The following GPC5 variants were observed in gnomAD, a reference collection of about 807,000 sequenced individuals.
GPC5 encodes glypican 5, also known as glypican-5.
In GPC5, 47 loss-of-function variants were observed where a neutral mutation model predicts 53.9. The observed-to-expected ratio is 0.87, with a 90% confidence interval of 0.69 to 1.11. The LOEUF is 1.11. Among genes scored for constraint, GPC5 ranks in the 50% most tolerant of loss-of-function variants. The pLI is 0.00. For missense variants in GPC5, 748 were observed against 713.1 expected (o/e 1.05, Z -0.56); for synonymous variants, 286 against 263.3 (o/e 1.09, Z -0.84).
At chr13:92,343,330 T>A (rs1411151432) in intron 7 of GPC5, among the ~76,000 whole-genome samples, 2 of 152,190 alleles carry the variant, frequency 1.3e-5, no homozygotes, top group East Asian at 3.9e-4. Context: ...CAAGTGAGAT[T>A]CAATTGCCCT....
At chr13:92,598,770 A>T (rs1883954568) in intron 7 of GPC5, among the ~76,000 whole-genome samples, 1 of 152,140 alleles carries the variant, frequency 6.6e-6, no homozygotes, top group African/African-American at 2.4e-5. Flanking sequence ...TAATCTCAGC[A>T]CTTTGGGAGG....
chr13:92,301,577 T>G (rs1361267772), intron 7 of GPC5, among the ~76,000 whole-genome samples: 1 of 152,064 alleles, frequency 6.6e-6, no homozygotes, highest in Non-Finnish European at 1.5e-5. Context: ...TGGGTTGTTG[T>G]AAAAATCACT....
intron 6 of GPC5, among the ~76,000 whole-genome samples, chr13:92,051,199 C>CTTTTTT (rs72346282): frequency 4.1e-5 from 3 of 73,908 alleles, no homozygotes; most frequent in African/African-American, 8.6e-5. Flanking sequence ...TCATTTTTTT[C>CTTTTTT]TTTTTTTTTT....
At chr13:91,977,870 G>A (rs2040318613) in intron 6 of GPC5, among the ~76,000 whole-genome samples, 1 of 151,658 alleles carries the variant, frequency 6.6e-6, no homozygotes, top group Non-Finnish European at 1.5e-5. Flanking sequence ...TCGGCACTTT[G>A]GGAGGTGGAG....
intron 7 of GPC5, among the ~76,000 whole-genome samples, chr13:92,363,966 A>G (rs529892416): frequency 5.9e-5 from 9 of 151,904 alleles, no homozygotes; most frequent in African/African-American, 2.2e-4. Context: ...CATGTTTGAG[A>G]GAGTAGAGGA....
intron 7 of GPC5, among the ~76,000 whole-genome samples, chr13:92,579,621 G>T (rs1285808126): frequency 2.0e-5 from 3 of 152,014 alleles, no homozygotes; most frequent in Non-Finnish European, 2.9e-5. Flanking sequence ...TGAACTGAGA[G>T]AATCTTATCT....
At chr13:92,154,332 C>G (rs1319146794) in intron 7 of GPC5, among the ~76,000 whole-genome samples, 1 of 152,150 alleles carries the variant, frequency 6.6e-6, no homozygotes, top group African/African-American at 2.4e-5. Flanking sequence ...TTCCAACCTC[C>G]AAACTATGTC....
chr13:92,460,913 T>C (rs1360753648), intron 7 of GPC5, among the ~76,000 whole-genome samples: 1 of 152,052 alleles, frequency 6.6e-6, no homozygotes, highest in East Asian at 1.9e-4. Context: ...CAGTAGGAGG[T>C]ATGAGTTGTA....
chr13:91,670,739 G>A (rs1412566069), intron 2 of GPC5, among the ~76,000 whole-genome samples: 1 of 152,110 alleles, frequency 6.6e-6, no homozygotes, highest in East Asian at 1.9e-4. Context: ...GTTTAACAGA[G>A]GAATGTGAAA....
chr13:92,720,738 A>C (rs1888486049), intron 7 of GPC5, among the ~76,000 whole-genome samples: 1 of 152,128 alleles, frequency 6.6e-6, no homozygotes, highest in African/African-American at 2.4e-5. Context: ...ACATAGGGAA[A>C]ATTTTGAAAT....
chr13:92,692,266 C>T (rs925858049), intron 7 of GPC5, among the ~76,000 whole-genome samples: 1 of 152,014 alleles, frequency 6.6e-6, no homozygotes, highest in Non-Finnish European at 1.5e-5. Flanking sequence ...TTTCTTGATC[C>T]AGTTCACCGA....
At chr13:92,317,314 G>C (rs1319489823) in intron 7 of GPC5, among the ~76,000 whole-genome samples, 4 of 152,074 alleles carry the variant, frequency 2.6e-5, no homozygotes, top group Admixed American at 2.6e-4. Flanking sequence ...AATGCTTTGC[G>C]GGGAAGGGTG....
At chr13:92,516,319 C>A (rs751292477) in intron 7 of GPC5, among the ~76,000 whole-genome samples, 1 of 151,998 alleles carries the variant, frequency 6.6e-6, no homozygotes, top group South Asian at 2.1e-4. Flanking sequence ...ATAAAATACA[C>A]GAGTCCATAT....
At chr13:92,171,787 T>A (rs973531071) in intron 7 of GPC5, among the ~76,000 whole-genome samples, 1 of 152,214 alleles carries the variant, frequency 6.6e-6, no homozygotes, top group Non-Finnish European at 1.5e-5. Context: ...CTAACCCAAA[T>A]GTTTCTTCTG....
chr13:91,453,806 T>C (rs1219851881), intron 2 of GPC5, among the ~76,000 whole-genome samples: 1 of 152,068 alleles, frequency 6.6e-6, no homozygotes, highest in Non-Finnish European at 1.5e-5. Flanking sequence ...CTTCTTCCTT[T>C]CTTTTATTCC....
intron 7 of GPC5, among the ~76,000 whole-genome samples, chr13:92,194,582 C>T (rs987129125): frequency 1.3e-5 from 2 of 152,226 alleles, no homozygotes; most frequent in African/African-American, 4.8e-5. Flanking sequence ...ATAGTATCCT[C>T]ATTCAGAAAT....
At chr13:92,528,677 G>A (rs924070663) in intron 7 of GPC5, among the ~76,000 whole-genome samples, 1 of 151,880 alleles carries the variant, frequency 6.6e-6, no homozygotes, top group African/African-American at 2.4e-5. Context: ...AGGAACTTTT[G>A]GACTGTAACA....
intron 1 of GPC5, among the ~76,000 whole-genome samples, chr13:91,444,037 G>T (rs1880619696): frequency 6.6e-6 from 1 of 151,842 alleles, no homozygotes; most frequent in Non-Finnish European, 1.5e-5. Context: ...TTCTTCAGGG[G>T]CTTACATGAT....
chr13:91,976,921 C>T (rs1487196181), intron 6 of GPC5, among the ~76,000 whole-genome samples: 1 of 152,020 alleles, frequency 6.6e-6, no homozygotes, highest in Admixed American at 6.6e-5. Flanking sequence ...CACCTGTAGT[C>T]CCAGATGCTC....
Sources: allele counts gnomAD v4.1 joint callset (sites outside exome capture counted in the v4.1 genomes callset), GRCh38; gene constraint gnomAD v4.1.1; transcripts MANE v1.5; gene names NCBI Gene and HGNC (gene_info 2026-07-23, HGNC 2026-07-21).